DTD1: variants seen among roughly 807,000 people sequenced by gnomAD.
DTD1 encodes D-tyrosyl-tRNA deacylase 1 homolog.
Under a neutral mutation model 25.6 loss-of-function variants are expected in DTD1, and 13 were observed. The ratio of observed to expected loss-of-function variants is 0.51; its 90% CI spans 0.33 to 0.81. DTD1 has a LOEUF of 0.81. Among genes scored for constraint, DTD1 ranks in the 30% least tolerant of loss-of-function variants. DTD1 has a pLI of 0.02. For missense variants in DTD1, 193 were observed against 266.4 expected (o/e 0.72, Z 1.92); for synonymous variants, 110 against 103.6 (o/e 1.06, Z -0.37).
intron 4 of DTD1, among the ~76,000 whole-genome samples, chr20:18,727,400 G>A (rs1458750683): frequency 6.6e-6 from 1 of 152,126 alleles, no homozygotes. Context: ...AGTGCAAGGC[G>A]AGAGGAAGTG....
intron 4 of DTD1, among the ~76,000 whole-genome samples, chr20:18,712,470 G>C (rs943991780): frequency 2.6e-5 from 4 of 152,058 alleles, no homozygotes; most frequent in Non-Finnish European, 5.9e-5. Flanking sequence ...GACTGTCCTT[G>C]CTCCCGCAGT....
chr20:18,645,077 G>C (rs1305397544), intron 4 of DTD1, among the ~76,000 whole-genome samples: 2 of 152,170 alleles, frequency 1.3e-5, no homozygotes, highest in Non-Finnish European at 2.9e-5. Context: ...TTGAACCCAG[G>C]GGGTTGAGGC....
intron 3 of DTD1, among the ~76,000 whole-genome samples, chr20:18,623,002 C>A (rs1256031244): frequency 3.5e-5 from 5 of 141,506 alleles, no homozygotes; most frequent in Non-Finnish European, 7.5e-5. Flanking sequence ...TGCAGTGGCG[C>A]GATCTCGGCT....
At chr20:18,699,249 C>T (rs2061092571) in intron 4 of DTD1, among the ~76,000 whole-genome samples, 1 of 152,190 alleles carries the variant, frequency 6.6e-6, no homozygotes, top group Non-Finnish European at 1.5e-5. Context: ...AGCCTCCAAC[C>T]CAGGTTTTCC....
At chr20:18,654,128 G>A (rs2122359261) in intron 4 of DTD1, among the ~76,000 whole-genome samples, 1 of 152,296 alleles carries the variant, frequency 6.6e-6, no homozygotes, top group African/African-American at 2.4e-5. Flanking sequence ...GATATGTTTT[G>A]GCTGTGTCCC....
intron 4 of DTD1, among the ~76,000 whole-genome samples, chr20:18,709,702 T>A (rs564126451): frequency 5.3e-5 from 8 of 152,332 alleles, no homozygotes; most frequent in Non-Finnish European, 1.0e-4. Flanking sequence ...GATGTTCTCA[T>A]GATGCAATTT....
chr20:18,758,814 CT>C (rs1457948337), intron 5 of DTD1, among the ~76,000 whole-genome samples: 3 of 152,158 alleles, frequency 2.0e-5, no homozygotes, highest in African/African-American at 4.8e-5. Context: ...AGTTCAATTC[CT>C]GTATATCCTT....
intron 4 of DTD1, among the ~76,000 whole-genome samples, chr20:18,732,870 A>G (rs989854605): frequency 3.9e-5 from 6 of 152,232 alleles, no homozygotes; most frequent in Admixed American, 1.3e-4. Flanking sequence ...AATCCTGAAC[A>G]TCCGCCATGG....
intron 3 of DTD1, among the ~76,000 whole-genome samples, chr20:18,619,547 C>T (rs922107144): frequency 2.0e-5 from 3 of 152,094 alleles, no homozygotes; most frequent in African/African-American, 7.2e-5. Context: ...GCCTCAGTCT[C>T]CCGAGTAGCT....
chr20:18,640,522 A>T (rs1443661417), intron 4 of DTD1, among the ~76,000 whole-genome samples: 1 of 152,162 alleles, frequency 6.6e-6, no homozygotes, highest in Non-Finnish European at 1.5e-5. Flanking sequence ...AGATTTTTTT[A>T]AATTGTGTTT....
At chr20:18,609,632 A>T (rs1404025726) in intron 3 of DTD1, among the ~76,000 whole-genome samples, 2 of 152,086 alleles carry the variant, frequency 1.3e-5, no homozygotes, top group Non-Finnish European at 2.9e-5. Context: ...TCATGTTTAG[A>T]TGGGTGATAT....
chr20:18,655,496 C>T (rs995999554), intron 4 of DTD1, among the ~76,000 whole-genome samples: 1 of 151,332 alleles, frequency 6.6e-6, no homozygotes, highest in Non-Finnish European at 1.5e-5. Flanking sequence ...AAACTCCAAA[C>T]TCACATAAGT....
chr20:18,649,456 A>T (rs1037432067), intron 4 of DTD1, among the ~76,000 whole-genome samples: 2 of 144,794 alleles, frequency 1.4e-5, no homozygotes, highest in Admixed American at 1.5e-4. Context: ...CTCCTGCCTC[A>T]GCCTCCCGAG....
At chr20:18,612,767 T>C (rs1349297529) in intron 3 of DTD1, among the ~76,000 whole-genome samples, 1 of 152,072 alleles carries the variant, frequency 6.6e-6, no homozygotes, top group African/African-American at 2.4e-5. Flanking sequence ...CAAGCGATTC[T>C]CCTGCCTCAG....
chr20:18,593,693 G>C (rs771742868), intron 1 of DTD1, 38 bp from the exon 2 acceptor site: 4 of 1,502,286 alleles, frequency 2.7e-6, no homozygotes, highest in Admixed American at 1.7e-5. Context: ...GACCTTGTTT[G>C]GTTCTGAGTT....
chr20:18,658,188 G>GGT (rs1568660571), intron 4 of DTD1, among the ~76,000 whole-genome samples: 118 of 105,172 alleles, frequency 1.1e-3, no homozygotes, highest in African/African-American at 3.3e-3. Context: ...AAGAGTCTGA[G>GGT]ATGTGTGTGT....
At chr20:18,616,789 A>G (rs1320190698) in intron 3 of DTD1, among the ~76,000 whole-genome samples, 2 of 152,326 alleles carry the variant, frequency 1.3e-5, no homozygotes, top group East Asian at 3.9e-4. Context: ...CCCGGGTGAT[A>G]GAGTAAGACC....
At chr20:18,629,488 G>A (rs2060774617) in intron 4 of DTD1, among the ~76,000 whole-genome samples, 2 of 151,428 alleles carry the variant, frequency 1.3e-5, no homozygotes, top group Non-Finnish European at 1.5e-5. Flanking sequence ...TGTGTAGAGA[G>A]GGAGTTTTAC....
chr20:18,641,234 A>G (rs530331822), intron 4 of DTD1, among the ~76,000 whole-genome samples: 3 of 152,174 alleles, frequency 2.0e-5, no homozygotes, highest in South Asian at 2.1e-4. Flanking sequence ...TTGTCTATCC[A>G]TTCGTTTATC....
Sources: gnomAD v4.1 joint callset for allele counts (sites outside exome capture counted in the v4.1 genomes callset) on GRCh38, gnomAD v4.1.1 for gene constraint, MANE v1.5 for transcripts, NCBI Gene and HGNC (gene_info 2026-07-23, HGNC 2026-07-21) for gene names.